Variants in DNAH8 observed in about 807,000 individuals in gnomAD.
DNAH8 encodes the protein dynein axonemal heavy chain 8.
A neutral mutation model predicts 562.1 loss-of-function variants in DNAH8; 382 were observed. The ratio of observed to expected loss-of-function variants is 0.68; its 90% CI spans 0.63 to 0.74. The LOEUF is 0.74. DNAH8 is among the 30% of genes least tolerant of loss of function. The pLI is 0.00. For missense variants in DNAH8, 5,203 were observed against 5,620.4 expected (o/e 0.93, Z 2.37); for synonymous variants, 1,881 against 1,919.4 (o/e 0.98, Z 0.52).
intron 10 of DNAH8, 67 bp downstream of exon 10, chr6:38,756,146 C>A: frequency 1.0e-6 from 1 of 998,584 alleles, no homozygotes; most frequent in Non-Finnish European, 1.6e-6. Context: ...TCCTTCTGAG[C>A]CCTAGGAAGG....
intron 53 of DNAH8, among the ~76,000 whole-genome samples, chr6:38,877,051 A>G (rs1431430380): frequency 6.6e-6 from 1 of 152,106 alleles, no homozygotes; most frequent in African/African-American, 2.4e-5. Flanking sequence ...CTAGATATGC[A>G]CTCCCTTAGA....
intron 86 of DNAH8, among the ~76,000 whole-genome samples, chr6:38,982,745 G>A (rs1215270121): frequency 6.6e-6 from 1 of 152,172 alleles, no homozygotes; most frequent in Admixed American, 6.5e-5. Flanking sequence ...TGTGCTTTAG[G>A]TCAAGCTTCT....
In DNAH8 at chr6:38,832,074, A is replaced by G. The variant is rs189032523; in HGVS notation, c.4189-248A>G. Among the ~76,000 whole-genome samples the G allele has an allele frequency of 5.3e-5, 8 of 152,324 alleles. No individual in the cohort carries two copies. In the East Asian group the frequency reaches 1.5e-3, roughly 29 times the overall value. The stretch of plus-strand genomic sequence containing the variant: ...TAATAGTATCTGTCTCCCATGTCAC[A>G]GTGATGGCCTGAACTGGATCAACCA... On this transcript the variant is annotated intron_variant, in intron 30 of 92. Coordinates refer to ENST00000327475, the MANE Select transcript of DNAH8 (RefSeq NM_001206927.2).
intron 20 of DNAH8, 59 bp from the exon 21 acceptor site, chr6:38,791,496 G>A: frequency 2.6e-6 from 4 of 1,531,892 alleles, no homozygotes; most frequent in Non-Finnish European, 3.5e-6. Context: ...TCTTTTGGAT[G>A]AAAACCTAGC....
At chr6:38,974,312 T>C (rs1763535244) in intron 84 of DNAH8, 62 bp from the exon 85 acceptor site, 1 of 1,310,000 alleles carries the variant, frequency 7.6e-7, no homozygotes, top group African/African-American at 1.5e-5. Context: ...AATATTGTAA[T>C]TTCTATTTTA....
rs761367692 is a variant in DNAH8 at position 38,723,357 on chromosome 6, G to A, written c.411G>A (p.Arg137=). ...CTTAGGCAAGATTTAGAGAGGCAAG[G>A]GAAAGCCGAAGACTGAAAATTGACC... ...KERQARFREA[R]ESRRLKIDPS... is the part of the protein sequence containing the mutation. Residue 137 remains arginine, a synonymous_variant, in exon 3 of 93, where the codon AGG becomes AGA. Coordinates refer to ENST00000327475, the MANE Select transcript of DNAH8 (RefSeq NM_001206927.2). The A allele has an allele frequency of 6.2e-7, 1 of 1,609,108 alleles. No individual in the cohort carries two copies. The highest frequency in any genetic ancestry group is 1.1e-5 in the South Asian group (1 of 89,510).
At chr6:38,834,126 T>A (rs1774081641) in intron 31 of DNAH8, among the ~76,000 whole-genome samples, 1 of 152,226 alleles carries the variant, frequency 6.6e-6, no homozygotes. Flanking sequence ...AAAAAGAGGA[T>A]GTTCTCAGAA....
intron 91 of DNAH8, among the ~76,000 whole-genome samples, chr6:39,019,550 T>C (rs1324813659): frequency 6.6e-6 from 1 of 152,180 alleles, no homozygotes; most frequent in Admixed American, 6.5e-5. Context: ...GGCTGTGTGA[T>C]GGTTTCTAGT....
intron 67 of DNAH8, among the ~76,000 whole-genome samples, chr6:38,914,311 G>GT (rs869139440): frequency 3.7e-4 from 50 of 136,030 alleles, no homozygotes; most frequent in South Asian, 5.1e-4. Flanking sequence ...AGTTGGTAGA[G>GT]TTTTTTTTTT....
At chr6:38,876,257 C>T (rs1399493602) in intron 53 of DNAH8, among the ~76,000 whole-genome samples, 1 of 152,172 alleles carries the variant, frequency 6.6e-6, no homozygotes, top group African/African-American at 2.4e-5. Flanking sequence ...CAAGGTCCAG[C>T]GCTGTCACCT....
At chr6:38,890,561 A>T in intron 57 of DNAH8, 91 bp from the exon 58 acceptor site, 1 of 905,598 alleles carries the variant, frequency 1.1e-6, no homozygotes, top group Non-Finnish European at 1.8e-6. Flanking sequence ...CACCCAGCTT[A>T]GTCAGCCTTG....
At position 38,831,990 on chromosome 6, in the gene DNAH8, T is replaced by C. The variant is rs536304924; in HGVS notation, c.4189-332T>C. On this transcript the variant is annotated intron_variant, in intron 30 of 92. Transcript: ENST00000327475. ...TGCAGGCATGTGACCTTATTAGAGA[T>C]TGCTAATCCCAAGTCTTGGCCTAGC... 2.0e-5 allele frequency among the ~76,000 whole-genome samples: 3 copies of C among 152,304 alleles called. No individual in the cohort carries two copies. The South Asian group carries it at 6.2e-4, about 32-fold the overall frequency.
intron 24 of DNAH8, among the ~76,000 whole-genome samples, 187 bp downstream of exon 24, chr6:38,807,903 T>A (rs1392529609): frequency 2.0e-5 from 3 of 152,206 alleles, no homozygotes; most frequent in Non-Finnish European, 2.9e-5. Context: ...CCCAACACCC[T>A]GCCTGAGACA....
At position 38,848,698 on chromosome 6, in the gene DNAH8, C is replaced by T; in HGVS notation, c.5096C>T (p.Ser1699Phe). The T allele has an allele frequency of 6.2e-7, 1 of 1,612,028 alleles. No individual in the cohort carries two copies. Among genetic ancestry groups the T allele is most frequent in the Non-Finnish European group, 8.5e-7 (1 of 1,178,390 alleles). Residue 1699 changes from serine (S) to phenylalanine (F), a missense_variant, in exon 37 of 93, where the codon TCC becomes TTC. Physicochemically the swap from Ser to Phe is radical, Grantham distance 155. Coordinates refer to ENST00000327475, the MANE Select transcript of DNAH8 (RefSeq NM_001206927.2). ...ATCCAGAATTGGGTGTATAAATTGT[C>T]CACTTCCTCAGATATAATTGAAGAG... Reference protein sequence around the residue: ...KNIQNWVYKLSTSSDIIEEWL... With the variant: ...KNIQNWVYKLFTSSDIIEEWL...
intron 3 of DNAH8, among the ~76,000 whole-genome samples, chr6:38,724,557 A>G (rs1385856081): frequency 6.6e-6 from 1 of 152,190 alleles, no homozygotes; most frequent in Non-Finnish European, 1.5e-5. Context: ...TCAGGTTACT[A>G]TATGTCTCAG....
At chr6:38,781,989 T>C (rs1768661601) in intron 16 of DNAH8, among the ~76,000 whole-genome samples, 1 of 152,172 alleles carries the variant, frequency 6.6e-6, no homozygotes. Flanking sequence ...CTTGATCTCG[T>C]GCCCTTTGCT....
intron 43 of DNAH8, among the ~76,000 whole-genome samples, chr6:38,861,949 G>GTTTTTTTTTTTTTTTT (rs10677373): frequency 7.4e-6 from 1 of 134,690 alleles, no homozygotes; most frequent in Non-Finnish European, 1.6e-5. Context: ...TGAAAACCAG[G>GTTTTTTTTTTTTTTTT]TTTTTTTTTT....
chr6:38,814,235 C>G (rs1023059374), intron 25 of DNAH8, 106 bp downstream of exon 25: 1 of 685,608 alleles, frequency 1.5e-6, no homozygotes, highest in Middle Eastern at 4.0e-4. Context: ...TCTTTTTTCA[C>G]TTTCCCTCAC....
chr6:38,879,434 A>G (rs1778289641), intron 53 of DNAH8, among the ~76,000 whole-genome samples: 1 of 152,206 alleles, frequency 6.6e-6, no homozygotes, highest in Admixed American at 6.5e-5. Flanking sequence ...ATCAACATTC[A>G]AAAACTGATC....
Sources: gnomAD v4.1 joint callset for allele counts (sites outside exome capture counted in the v4.1 genomes callset) on GRCh38, gnomAD v4.1.1 for gene constraint, MANE v1.5 for transcripts, NCBI Gene and HGNC (gene_info 2026-07-23, HGNC 2026-07-21) for gene names.